EVPLL: variants seen among roughly 807,000 people sequenced by gnomAD.
EVPLL encodes the protein envoplakin like, also known as envoplakin-like protein.
EVPLL carries 39 observed loss-of-function variants against 46.2 expected under a neutral mutation model. The observed-to-expected ratio is 0.84, with a 90% confidence interval of 0.65 to 1.10. The LOEUF (loss-of-function observed/expected upper bound fraction) is 1.10. Ranked by LOEUF, EVPLL falls within the 50% of genes least tolerant of loss-of-function variation. The probability of loss-of-function intolerance (pLI) is 0.00; values close to 1 mark genes in which losing one functional copy is unlikely to be tolerated. For synonymous variants in EVPLL, 156 were observed against 165.8 expected, an observed-to-expected ratio of 0.94 and a Z score of 0.46; for missense variants, 385 against 412.6, an observed-to-expected ratio of 0.93 and a Z score of 0.58.
chr17:18,383,855 C>G (rs536957068), intron 9 of EVPLL: 4 of 422,008 alleles, frequency 9.5e-6, no homozygotes, highest in African/African-American at 8.1e-5. Context: ...CGCCTGTAAT[C>G]CCAGCTACTC....
intron 9 of EVPLL, chr17:18,387,791 C>G (rs1987816769): frequency 1.3e-5 from 2 of 152,286 alleles, no homozygotes; most frequent in Non-Finnish European, 1.5e-5. Context: ...TGGAGGATTG[C>G]CTGGGGGCAG....
At chr17:18,386,503 G>A (rs578073255) in intron 9 of EVPLL, 6 of 152,248 alleles carry the variant, frequency 3.9e-5, no homozygotes, top group South Asian at 4.2e-4. Context: ...CAAGACATGC[G>A]TCTGGCCCAT....
Position 18,381,590 on chromosome 17 carries a change from A to G in EVPLL, c.219-13A>G. 1 of 1,614,006 alleles carries G rather than the reference A, an allele frequency of 6.2e-7. No homozygotes were observed. Among genetic ancestry groups the G allele is most frequent in the Non-Finnish European group, 8.5e-7 (1 of 1,179,966 alleles). ...CAGGCCCAGCCCTGACCTGCTGGCC[A>G]CCTTCTTGACAGCATCGAGCAGCTG... On this transcript the variant is annotated splice_polypyrimidine_tract_variant and intron_variant, in intron 3 of 10. Coordinates refer to ENST00000399134, the MANE Select transcript of EVPLL (RefSeq NM_001145127.2). This position sits in a 1 kb window ranked among gnomAD's most constrained non-coding sequence, Gnocchi z 4.2.
chr17:18,383,442 T>TAGGG, intron 8 of EVPLL, 50 bp from the exon 9 acceptor site: 1 of 358,574 alleles, frequency 2.8e-6, no homozygotes. Context: ...GGGGTGGACG[T>TAGGG]GGGTGCGGGG....
At chr17:18,387,958 G>A (rs1987822097) in intron 9 of EVPLL, 1 of 106,946 alleles carries the variant, frequency 9.4e-6, no homozygotes, top group South Asian at 2.8e-4. Context: ...AGGCTGTAGT[G>A]AGCTGTTTTG....
chr17:18,382,504 C>G lies in EVPLL; in HGVS notation c.347-9C>G. ...TCCTGTGGTGACTGAGCCGCCGGCT[C>G]TCCTGCAGAAGCTGGTCTGCGCAGG... On this transcript the variant is annotated splice_polypyrimidine_tract_variant and intron_variant, in intron 4 of 10. Coordinates refer to ENST00000399134, the MANE Select transcript of EVPLL (RefSeq NM_001145127.2). 6.4e-7 allele frequency: 1 copy of G among 1,551,570 alleles called. No homozygotes were observed.
chr17:18,385,049 G>A (rs1987725412), intron 9 of EVPLL, among the ~76,000 whole-genome samples: 2 of 151,814 alleles, frequency 1.3e-5, no homozygotes, highest in African/African-American at 2.4e-5. Flanking sequence ...AGAGGCAGAG[G>A]GGGAGAAAGG....
At chr17:18,382,279 C>A (rs1411780242) in intron 4 of EVPLL, 7 of 450,806 alleles carry the variant, frequency 1.6e-5, no homozygotes, top group East Asian at 1.3e-4. Flanking sequence ...CTGAGCCCAG[C>A]GTCTGGGAAC....
chr17:18,384,345 C>T (rs1987699366), intron 9 of EVPLL, among the ~76,000 whole-genome samples: 1 of 151,390 alleles, frequency 6.6e-6, no homozygotes, highest in African/African-American at 2.4e-5. Flanking sequence ...GTGGCTCGTG[C>T]CTATTGCTTG....
Position 18,383,513 on chromosome 17 carries a change from A to G in EVPLL, c.802A>G (p.Met268Val). The G allele has an allele frequency of 6.3e-7, 1 of 1,584,024 alleles. No individual in the cohort carries two copies. Among genetic ancestry groups the G allele is most frequent in the Non-Finnish European group, 8.6e-7 (1 of 1,165,222 alleles). The change falls in exon 9 of 11, where the codon ATG becomes GTG. Residue 268 changes from methionine to valine, a missense_variant. Physicochemically the swap from Met to Val is conservative, Grantham distance 21. Transcript: ENST00000399134. ...CCAGGCCCACCAGGAGGCCCTGAAG[A>G]TGGAGTGGCAGAACTTCCTGAACCT... Reference protein sequence around the residue: ...PIQAHQEALKMEWQNFLNLCI... With the variant: ...PIQAHQEALKVEWQNFLNLCI...
At chr17:18,385,513 G>A (rs1253984251) in intron 9 of EVPLL, among the ~76,000 whole-genome samples, 6 of 141,232 alleles carry the variant, frequency 4.2e-5, no homozygotes, top group African/African-American at 8.2e-5. Flanking sequence ...GAGTTGAGCC[G>A]TCTTCATTTC....
chr17:18,380,761 C>T (rs1230236114), intron 1 of EVPLL, 141 bp from the exon 2 acceptor site: 1 of 698,736 alleles, frequency 1.4e-6, no homozygotes, highest in Non-Finnish European at 2.4e-6. Flanking sequence ...GAGCCTCCTG[C>T]AGAGAGAGAC....
rs1411040166 is a variant in EVPLL at position 18,381,499 on chromosome 17, C to A, written c.196C>A (p.Gln66Lys). The change falls in exon 3 of 11, where the codon CAG becomes AAG. Residue 66 changes from glutamine (Q) to lysine (K), a missense_variant. Coordinates refer to ENST00000399134, the MANE Select transcript of EVPLL (RefSeq NM_001145127.2). The surrounding 1 kb of genome is among the most constrained non-coding windows in gnomAD (Gnocchi z 4.2). ...CAAGGCCCGGCGGCTCAAGCACCCG[C>A]AGGCTGAGGAGACTGAGAAGGAGTG... The part of the protein sequence containing the change: ...VDKARRLKHP[Q>K]AEETEKDIEQ... The A allele has an allele frequency of 6.2e-7, 1 of 1,613,920 alleles. No individual in the cohort carries two copies. Among genetic ancestry groups the A allele is most frequent in the Non-Finnish European group, 8.5e-7 (1 of 1,179,940 alleles).
Position 18,388,950 on chromosome 17 carries a change from T to C in EVPLL, c.*134T>C, listed in dbSNP as rs1987862504. On this transcript the variant is annotated 3_prime_UTR_variant, in exon 11 of 11. Coordinates refer to ENST00000399134, the MANE Select transcript of EVPLL (RefSeq NM_001145127.2). ...GGAAGTCCCCATCCAGAGGCAGTGC[T>C]GCAGCTAGAGGTAGCTCCAGAGTCC... 6.9e-6 allele frequency: 1 copy of C among 144,014 alleles called. No homozygotes were observed. The highest frequency in any genetic ancestry group is 2.3e-4 in the South Asian group (1 of 4,428). 8.9% of individuals were successfully genotyped at this position (144,014 alleles called of 1,614,324 possible).
chr17:18,381,000 G>T lies in EVPLL; in HGVS notation c.63G>T (p.Gln21His). 1 of 1,585,310 alleles carries T rather than the reference G, an allele frequency of 6.3e-7. No individual in the cohort carries two copies. The highest frequency in any genetic ancestry group is 8.6e-7 in the Non-Finnish European group (1 of 1,166,622). ...TGGAGACGCAGAAGAGGCTGCAGCA[G>T]GTGAGAACCCGGCAGCAGTTGGCAG... The part of the protein sequence containing the change: ...DILETQKRLQ[Q>H]DRLNSEQSQA... The change falls in exon 2 of 11, where the codon CAG (glutamine) becomes CAT (histidine). Residue 21 changes from glutamine (Q) to histidine (H), a missense_variant and splice_region_variant. Physicochemically the swap from Gln to His is conservative, Grantham distance 24. Coordinates refer to ENST00000399134, the MANE Select transcript of EVPLL (RefSeq NM_001145127.2).
At position 18,381,131 on chromosome 17, in the gene EVPLL, C is replaced by T. The variant is rs754507212; in HGVS notation, c.63+131C>T. 35 of 1,253,214 alleles carry T rather than the reference C, an allele frequency of 2.8e-5. No homozygotes were observed. Among genetic ancestry groups the T allele is most frequent in the Middle Eastern group, 2.7e-4 (1 of 3,682 alleles). 77.6% of individuals were successfully genotyped at this position (1,253,214 alleles called of 1,614,324 possible). A position where few individuals can be genotyped will look rare whatever the true frequency, so the allele number is the denominator to read the frequency against. ...GGGACAGATGACATTTGTCCTGCAC[C>T]GCCTGTCCCCTAACACACGGTGGGA... On this transcript the variant is annotated intron_variant, in intron 2 of 10. Coordinates refer to ENST00000399134, the MANE Select transcript of EVPLL (RefSeq NM_001145127.2). The surrounding 1 kb of genome is among the most constrained non-coding windows in gnomAD (Gnocchi z 4.2).
At position 18,384,065 on chromosome 17, in the gene EVPLL, C is replaced by T. The variant is rs563669090; in HGVS notation, c.876+478C>T. 5.3e-5 allele frequency among the ~76,000 whole-genome samples: 8 copies of T among 152,272 alleles called. No individual in the cohort carries two copies. The South Asian group carries it at 1.2e-3, about 24-fold the overall frequency. On this transcript the variant is annotated intron_variant, in intron 9 of 10. Coordinates refer to ENST00000399134, the MANE Select transcript of EVPLL (RefSeq NM_001145127.2). Reference sequence around the variant, plus strand: ...ATTCTCAACAGGGTGAAGCCGTTCCCAGGGGGGTGAAAATTCGTTCTTAAT... The same window carrying T: ...ATTCTCAACAGGGTGAAGCCGTTCCTAGGGGGGTGAAAATTCGTTCTTAAT...
Position 18,383,382 on chromosome 17 carries a change from C to A in EVPLL, c.780+4C>A. The A allele has an allele frequency of 3.0e-6, 4 of 1,330,308 alleles. No individual in the cohort carries two copies. Among genetic ancestry groups the A allele is most frequent in the Non-Finnish European group, 4.0e-6 (4 of 1,006,264 alleles). The allele number at this position is 1,330,308 out of a possible 1,614,324, so 82.4% of individuals were successfully genotyped here. ...CCCCGCGGTGGGGCCCATCCAGGTG[C>A]GCTGGGGGCAGGGCGAGAGTGAGAA... is the stretch of plus-strand genomic sequence containing the variant. On this transcript the variant is annotated splice_donor_region_variant and intron_variant, in intron 8 of 10. Transcript: ENST00000399134.
Position 18,381,677 on chromosome 17 carries a change from C to T in EVPLL, c.293C>T (p.Pro98Leu), listed in dbSNP as rs867298368. 13 of 1,614,066 alleles carry T rather than the reference C, an allele frequency of 8.1e-6. No homozygotes were observed. Among genetic ancestry groups the T allele is most frequent in the African/African-American group, 2.7e-5 (2 of 74,916 alleles). Residue 98 changes from proline (P) to leucine (L), a missense_variant, in exon 4 of 11, where the codon CCG (proline) becomes CTG (leucine). Transcript: ENST00000399134. The surrounding 1 kb of genome is among the most constrained non-coding windows in gnomAD (Gnocchi z 4.2). ...YCALYEKMVL[P>L]PRRGIQGRLG... ...GCCCTGTACGAGAAGATGGTGCTGC[C>T]GCCCCGACGTGGGATCCAAGGTCGA...
Sources: gnomAD v4.1 joint callset for allele counts (sites outside exome capture counted in the v4.1 genomes callset) on GRCh38, gnomAD v4.1.1 for gene constraint, Gnocchi (gnomAD v3.1) non-coding constraint, MANE v1.5 for transcripts, NCBI Gene and HGNC (gene_info 2026-07-23, HGNC 2026-07-21) for gene names.